Variants in PCDH9 observed in about 807,000 individuals in gnomAD.
PCDH9 encodes protocadherin-9.
Under a neutral mutation model 70.6 loss-of-function variants are expected in PCDH9, and 24 were observed. The observed-to-expected ratio is 0.34, with a 90% CI of 0.25 to 0.48. The LOEUF is 0.48. Among genes scored for constraint, PCDH9 ranks in the 20% least tolerant of loss-of-function variants. PCDH9 has a pLI of 0.99. For synonymous variants in PCDH9, 562 were observed against 558.5 expected (o/e 1.01, Z -0.09); for missense variants, 1,281 against 1,503.6 (o/e 0.85, Z 2.45).
intron 3 of PCDH9, among the ~76,000 whole-genome samples, chr13:66,770,285 A>T (rs571395172): frequency 6.6e-6 from 1 of 152,256 alleles, no homozygotes; most frequent in South Asian, 2.1e-4. Flanking sequence ...TGACAGGTGC[A>T]CCTAAATCTC....
chr13:66,473,716 G>A (rs750533940), intron 4 of PCDH9, among the ~76,000 whole-genome samples: 4 of 152,230 alleles, frequency 2.6e-5, no homozygotes, highest in South Asian at 2.1e-4. Context: ...TTTCTAAAGC[G>A]AGCTAAAGCT....
intron 3 of PCDH9, among the ~76,000 whole-genome samples, chr13:66,691,093 A>G (rs1306751240): frequency 6.6e-6 from 1 of 152,094 alleles, no homozygotes; most frequent in Non-Finnish European, 1.5e-5. Context: ...GCCAGAGTGC[A>G]GTGGCACCAT....
Position 67,227,926 on chromosome 13 carries a change from C to A in PCDH9, c.515G>T (p.Gly172Val). ...PIPSATDPDTGFNGVQHYELL... is the reference protein window; with the variant it reads ...PIPSATDPDTVFNGVQHYELL... Reference sequence around the variant, plus strand: ...TTCATAATGCTGTACACCATTGAAGCCTGTGTCAGGATCTGTTGCTGATGG... The same window carrying A: ...TTCATAATGCTGTACACCATTGAAGACTGTGTCAGGATCTGTTGCTGATGG... The change falls in exon 2 of 5, where the codon GGC becomes GTC. Residue 172 changes from glycine (G) to valine (V), a missense_variant. By Grantham distance (109) the Gly-to-Val change is moderately radical (BLOSUM62 -3). Transcript: ENST00000377865. The surrounding 1 kb of genome is among the most constrained non-coding windows in gnomAD (Gnocchi z 4.6). 1 of 1,614,096 alleles carries A rather than the reference C, an allele frequency of 6.2e-7. No homozygotes were observed.
intron 4 of PCDH9, among the ~76,000 whole-genome samples, chr13:66,324,053 C>T (rs73505824): frequency 3.9e-5 from 6 of 152,142 alleles, no homozygotes; most frequent in East Asian, 1.9e-4. Context: ...TCCTTTCTGG[C>T]CACAATTTTG....
At chr13:66,458,054 C>T (rs1416901843) in intron 4 of PCDH9, among the ~76,000 whole-genome samples, 1 of 151,978 alleles carries the variant, frequency 6.6e-6, no homozygotes, top group African/African-American at 2.4e-5. Context: ...CTGTACAGTA[C>T]CTAACAAACC....
In PCDH9 at chr13:66,422,987, T is replaced by C. The variant is rs138274087; in HGVS notation, c.3341-117959A>G. On this transcript the variant is annotated intron_variant, in intron 4 of 4. Coordinates refer to ENST00000377865, the MANE Select transcript of PCDH9 (RefSeq NM_203487.3). Reference sequence around the variant, plus strand: ...ATAATAAAGGGGAGATCACCACTGATCCCTAGCAATACAAACTACCATCAA... The same window carrying C: ...ATAATAAAGGGGAGATCACCACTGACCCCTAGCAATACAAACTACCATCAA... Among the ~76,000 whole-genome samples the C allele has an allele frequency of 7.9e-5, 12 of 152,028 alleles. 2 individuals carry two copies. The highest frequency in any genetic ancestry group is 2.4e-4 in the African/African-American group (10 of 41,492).
intron 2 of PCDH9, among the ~76,000 whole-genome samples, chr13:67,128,172 G>A (rs1221702097): frequency 6.6e-6 from 1 of 152,180 alleles, no homozygotes; most frequent in African/African-American, 2.4e-5. Flanking sequence ...CCTACAGTGA[G>A]AGTGAACACT....
At position 66,747,638 on chromosome 13, in the gene PCDH9, C is replaced by T. The variant is rs1043231430; in HGVS notation, c.3139-116227G>A. Among the ~76,000 whole-genome samples the T allele has an allele frequency of 3.9e-5, 6 of 151,960 alleles. No homozygotes were observed. In the East Asian group the frequency reaches 1.2e-3, roughly 29 times the overall value. On this transcript the variant is annotated intron_variant, in intron 3 of 4. Coordinates refer to ENST00000377865, the MANE Select transcript of PCDH9 (RefSeq NM_203487.3). ...ATGTGTGTATTAATATACAGGCATA[C>T]ATATATGCATATACATGTATGTTTA... is the stretch of plus-strand genomic sequence containing the variant.
intron 4 of PCDH9, among the ~76,000 whole-genome samples, chr13:66,350,019 G>A (rs574641182): frequency 4.9e-4 from 75 of 151,850 alleles, no homozygotes; most frequent in Non-Finnish European, 9.6e-4. Flanking sequence ...TCCCTCCATC[G>A]GTCACGTCAC....
intron 3 of PCDH9, among the ~76,000 whole-genome samples, chr13:66,648,049 C>G (rs953243223): frequency 9.2e-5 from 14 of 152,180 alleles, no homozygotes; most frequent in Admixed American, 9.2e-4. Context: ...AAATAGTGCA[C>G]CAGAGAGATT....
intron 4 of PCDH9, among the ~76,000 whole-genome samples, chr13:66,320,000 A>G (rs1955725024): frequency 6.6e-6 from 1 of 152,100 alleles, no homozygotes; most frequent in Non-Finnish European, 1.5e-5. Context: ...ATGCAAGCCA[A>G]TTATTAAGAT....
chr13:66,381,576 T>C (rs1264395255), intron 4 of PCDH9, among the ~76,000 whole-genome samples: 2 of 152,086 alleles, frequency 1.3e-5, no homozygotes, highest in Non-Finnish European at 2.9e-5. Context: ...CAACAACAAA[T>C]GTGCCCTAAA....
intron 4 of PCDH9, among the ~76,000 whole-genome samples, chr13:66,354,284 C>T (rs1303971239): frequency 2.0e-5 from 3 of 152,082 alleles, no homozygotes; most frequent in African/African-American, 7.2e-5. Flanking sequence ...CTTTCAATCA[C>T]TTTTAAAAGG....
chr13:67,106,574 C>T (rs931454241), intron 2 of PCDH9, among the ~76,000 whole-genome samples: 13 of 152,234 alleles, frequency 8.5e-5, no homozygotes, highest in African/African-American at 2.4e-4. Flanking sequence ...GGAGCAGCCA[C>T]TGCAAACATG....
chr13:67,047,536 T>A (rs911674422), intron 2 of PCDH9, among the ~76,000 whole-genome samples: 2 of 152,208 alleles, frequency 1.3e-5, no homozygotes, highest in African/African-American at 4.8e-5. Context: ...TCTCTGTGAA[T>A]GTTTTATTTC....
chr13:67,073,744 A>G (rs1257785379), intron 2 of PCDH9, among the ~76,000 whole-genome samples: 3 of 152,122 alleles, frequency 2.0e-5, no homozygotes, highest in Non-Finnish European at 4.4e-5. Context: ...ACATTAAAGA[A>G]GTTTCCATGT....
At chr13:66,379,325 G>A (rs1956800760) in intron 4 of PCDH9, among the ~76,000 whole-genome samples, 1 of 152,096 alleles carries the variant, frequency 6.6e-6, no homozygotes, top group South Asian at 2.1e-4. Context: ...TGACACTGGA[G>A]TATACAAATT....
intron 4 of PCDH9, among the ~76,000 whole-genome samples, chr13:66,331,866 T>C (rs1955948727): frequency 6.6e-6 from 1 of 152,162 alleles, no homozygotes; most frequent in Non-Finnish European, 1.5e-5. Context: ...ACTTCTATGT[T>C]TATTTAGGAG....
chr13:66,427,448 G>A (rs1194706044), intron 4 of PCDH9, among the ~76,000 whole-genome samples: 1 of 151,636 alleles, frequency 6.6e-6, no homozygotes, highest in Non-Finnish European at 1.5e-5. Context: ...CATGTCATGT[G>A]TAGGAAACTA....
Sources: allele counts gnomAD v4.1 joint callset (sites outside exome capture counted in the v4.1 genomes callset), GRCh38; gene constraint gnomAD v4.1.1; non-coding constraint Gnocchi (gnomAD v3.1); transcripts MANE v1.5; gene names NCBI Gene and HGNC (gene_info 2026-07-23, HGNC 2026-07-21).